XKR6: variants seen among roughly 807,000 people sequenced by gnomAD.
The protein encoded by XKR6 is XK-related protein 6.
A neutral mutation model predicts 56.7 loss-of-function variants in XKR6; 22 were observed. The ratio of observed to expected loss-of-function variants is 0.39; its 90% confidence interval spans 0.28 to 0.55. The LOEUF is 0.55. Ranked by LOEUF, XKR6 falls within the 20% of genes least tolerant of loss-of-function variation. XKR6 has a pLI of 0.66. For missense variants in XKR6, 852 were observed against 889.0 expected, an observed-to-expected ratio of 0.96 and a Z score of 0.53; for synonymous variants, 524 against 387.8, an observed-to-expected ratio of 1.35 and a Z score of -4.13.
intron 1 of XKR6, among the ~76,000 whole-genome samples, chr8:10,979,158 G>A (rs1038122926): frequency 2.0e-5 from 3 of 151,726 alleles, no homozygotes; most frequent in African/African-American, 7.3e-5. Flanking sequence ...AGGTTCTGGG[G>A]ATCTCACGGC....
chr8:11,148,322 G>C (rs568313148), intron 1 of XKR6, among the ~76,000 whole-genome samples: 1 of 152,216 alleles, frequency 6.6e-6, no homozygotes, highest in Non-Finnish European at 1.5e-5. Flanking sequence ...CACAGAAAGT[G>C]ACACGGGATG....
chr8:10,986,056 G>A lies in XKR6; in HGVS notation c.765-61226C>T, dbSNP rs199612040. Among the ~76,000 whole-genome samples the A allele has an allele frequency of 2.0e-4, 31 of 152,328 alleles. No individual in the cohort carries two copies. The East Asian group carries it at 3.1e-3, about 15-fold the overall frequency. On this transcript the variant is annotated intron_variant, in intron 1 of 2. Coordinates refer to ENST00000416569, the MANE Select transcript of XKR6 (RefSeq NM_173683.4). The stretch of plus-strand genomic sequence containing the variant: ...AATATTACAAAGATACAGAATAGTG[G>A]AAACAATATAGTACTTGCATAAAAG...
intron 1 of XKR6, among the ~76,000 whole-genome samples, chr8:11,051,834 A>G (rs556231949): frequency 2.0e-5 from 3 of 152,228 alleles, no homozygotes; most frequent in African/African-American, 7.2e-5. Flanking sequence ...AAAAGCAAAA[A>G]CAAAAAAAAA....
intron 1 of XKR6, among the ~76,000 whole-genome samples, chr8:10,993,567 C>T (rs1487418047): frequency 6.6e-6 from 1 of 152,190 alleles, no homozygotes; most frequent in African/African-American, 2.4e-5. Flanking sequence ...AGCAGGTGGC[C>T]CTGCACCTGC....
At chr8:10,968,628 A>G (rs1308219435) in intron 1 of XKR6, among the ~76,000 whole-genome samples, 1 of 152,270 alleles carries the variant, frequency 6.6e-6, no homozygotes, top group South Asian at 2.1e-4. Context: ...CCACTGTATT[A>G]CCTTCTCCCC....
At chr8:11,162,000 C>T (rs1003146058) in intron 1 of XKR6, among the ~76,000 whole-genome samples, 4 of 152,162 alleles carry the variant, frequency 2.6e-5, no homozygotes, top group East Asian at 1.9e-4. Flanking sequence ...TTTCTCATCT[C>T]GTCCCACTTC....
chr8:11,050,895 C>CCTTCAT (rs1201559962), intron 1 of XKR6, among the ~76,000 whole-genome samples: 2 of 152,146 alleles, frequency 1.3e-5, no homozygotes. Flanking sequence ...CTGGTGGTCA[C>CCTTCAT]CCTCATCCTC....
chr8:11,060,867 G>A (rs770539793), intron 1 of XKR6, among the ~76,000 whole-genome samples: 10 of 152,212 alleles, frequency 6.6e-5, no homozygotes, highest in Non-Finnish European at 8.8e-5. Context: ...TGTGCCATAA[G>A]GGAAATACCT....
rs79474635 is a variant in XKR6, at chr8:11,029,011, C to T, written c.765-104181G>A. Among the ~76,000 whole-genome samples, 211 of 152,268 alleles carry T rather than the reference C, an allele frequency of 1.4e-3. 1 individual carries two copies. Among genetic ancestry groups the T allele is most frequent in the African/African-American group, 4.8e-3 (201 of 41,532 alleles). On this transcript the variant is annotated intron_variant, in intron 1 of 2. Transcript: ENST00000416569. ...TTAAGGGCCAGGACAATACCTCATG[C>T]GCCTGGAAGTCACCCCCACCCTGTG...
At chr8:11,008,153 C>T (rs926530549) in intron 1 of XKR6, among the ~76,000 whole-genome samples, 2 of 152,194 alleles carry the variant, frequency 1.3e-5, no homozygotes, top group Non-Finnish European at 2.9e-5. Flanking sequence ...CCCTGTCCTG[C>T]TCAAATACCC....
At chr8:11,060,552 CT>C (rs1293759169) in intron 1 of XKR6, among the ~76,000 whole-genome samples, 2 of 152,166 alleles carry the variant, frequency 1.3e-5, no homozygotes, top group Non-Finnish European at 2.9e-5. Flanking sequence ...GATTATTGGT[CT>C]GTTTGGGTTT....
chr8:11,114,024 C>T, intron 1 of XKR6: 5 of 415,600 alleles, frequency 1.2e-5, no homozygotes, highest in South Asian at 5.3e-5. Flanking sequence ...CGCTCACCTT[C>T]TAGTCAGAAA....
rs547560093 is a variant in XKR6, at chr8:10,907,688, A to G, written c.962-8772T>C. ...TGGGAAAGATCTCTCTCCATCCTCA[A>G]CCACAAATTAAAGAATTATCATTGA... On this transcript the variant is annotated intron_variant, in intron 2 of 2. Coordinates refer to ENST00000416569, the MANE Select transcript of XKR6 (RefSeq NM_173683.4). 4.6e-5 allele frequency among the ~76,000 whole-genome samples: 7 copies of G among 152,318 alleles called. No homozygotes were observed. The East Asian group carries it at 1.2e-3, about 25-fold the overall frequency.
intron 2 of XKR6, among the ~76,000 whole-genome samples, chr8:10,906,310 T>C (rs976090645): frequency 6.6e-6 from 1 of 152,206 alleles, no homozygotes; most frequent in Non-Finnish European, 1.5e-5. Flanking sequence ...GGATCAGCCA[T>C]CCTTCTTGAA....
At chr8:10,966,510 A>T (rs1802228176) in intron 1 of XKR6, among the ~76,000 whole-genome samples, 1 of 152,034 alleles carries the variant, frequency 6.6e-6, no homozygotes, top group East Asian at 1.9e-4. Flanking sequence ...CGTCTCTACT[A>T]AAAATACAAA....
At chr8:10,929,006 C>T (rs1052577879) in intron 1 of XKR6, among the ~76,000 whole-genome samples, 2 of 152,306 alleles carry the variant, frequency 1.3e-5, no homozygotes, top group African/African-American at 4.8e-5. Context: ...AAAGCTGGGC[C>T]TGGTCTATGG....
intron 1 of XKR6, among the ~76,000 whole-genome samples, chr8:10,951,543 T>C (rs1000212768): frequency 6.6e-6 from 1 of 152,268 alleles, no homozygotes; most frequent in Admixed American, 6.5e-5. Context: ...GCGTGGCTTC[T>C]TTCTGATCTC....
intron 1 of XKR6, among the ~76,000 whole-genome samples, chr8:10,942,735 C>A (rs1337334609): frequency 1.3e-5 from 2 of 152,222 alleles, no homozygotes; most frequent in East Asian, 3.8e-4. Context: ...CTCACTGATG[C>A]CCCAACTTGC....
chr8:11,140,181 A>G (rs1178045687), intron 1 of XKR6, among the ~76,000 whole-genome samples: 1 of 152,170 alleles, frequency 6.6e-6, no homozygotes, highest in Non-Finnish European at 1.5e-5. Flanking sequence ...TGAATACTAA[A>G]GACAGGCAAA....
Sources: allele counts gnomAD v4.1 joint callset (sites outside exome capture counted in the v4.1 genomes callset), GRCh38; gene constraint gnomAD v4.1.1; transcripts MANE v1.5; gene names NCBI Gene and HGNC (gene_info 2026-07-23, HGNC 2026-07-21).